The following ANK3 variants were observed in gnomAD, a reference collection of about 807,000 sequenced individuals.
The protein encoded by ANK3 is ankyrin 3.
Under a neutral mutation model 370.9 loss-of-function variants are expected in ANK3, and 57 were observed. The observed-to-expected ratio is 0.15, with a 90% CI of 0.12 to 0.19. The LOEUF (loss-of-function observed/expected upper bound fraction) is 0.19, where lower values mean the gene tolerates loss of function less well. ANK3 is among the 10% of genes least tolerant of loss of function. ANK3 has a pLI of 1.00. For missense variants in ANK3, 4,439 were observed against 5,302.1 expected, an observed-to-expected ratio of 0.84 and a Z score of 5.06; for synonymous variants, 1,929 against 1,946.3, an observed-to-expected ratio of 0.99 and a Z score of 0.23.
Position 60,718,239 on chromosome 10 carries a change from T to C in ANK3, c.57+15024A>G, listed in dbSNP as rs182955422. 2.6e-5 allele frequency among the ~76,000 whole-genome samples: 4 copies of C among 152,378 alleles called. No homozygotes were observed. The East Asian group carries it at 7.7e-4, about 29-fold the overall frequency. ...ATTTAATTTAATAGCATTCTTGTTG[T>C]TGTTTTAGAAGTAGAAGAGTTGGTT... is the stretch of plus-strand genomic sequence containing the variant. On this transcript the variant is annotated intron_variant, in intron 1 of 43. Transcript: ENST00000373827.
intron 2 of ANK3, among the ~76,000 whole-genome samples, chr10:60,607,648 T>C (rs956598704): frequency 6.6e-6 from 1 of 152,190 alleles, no homozygotes; most frequent in African/African-American, 2.4e-5. Flanking sequence ...AGGTTATACA[T>C]GCTTCAAATT....
At chr10:60,679,671 G>A (rs553266353) in intron 1 of ANK3, among the ~76,000 whole-genome samples, 2 of 152,214 alleles carry the variant, frequency 1.3e-5, no homozygotes, top group East Asian at 3.9e-4. Context: ...AAAGAATCAG[G>A]GGAGAAGAAA....
intron 2 of ANK3, among the ~76,000 whole-genome samples, chr10:60,610,536 T>G (rs2078187343): frequency 6.6e-6 from 1 of 151,872 alleles, no homozygotes; most frequent in Non-Finnish European, 1.5e-5. Context: ...AATAAAATCT[T>G]CATGGTTGGT....
At chr10:60,400,730 G>A (rs1316899118) in intron 2 of ANK3, among the ~76,000 whole-genome samples, 1 of 152,058 alleles carries the variant, frequency 6.6e-6, no homozygotes, top group Non-Finnish European at 1.5e-5. Context: ...TTAAGTTCTT[G>A]GGTGCATGTG....
chr10:60,684,287 C>A (rs968285978), intron 1 of ANK3, among the ~76,000 whole-genome samples: 1 of 152,160 alleles, frequency 6.6e-6, no homozygotes, highest in Non-Finnish European at 1.5e-5. Flanking sequence ...CAGTCTGGCG[C>A]GTCGCGCCCA....
chr10:60,622,691 TA>T (rs1641056558), intron 1 of ANK3, among the ~76,000 whole-genome samples: 2 of 152,150 alleles, frequency 1.3e-5, no homozygotes, highest in African/African-American at 4.8e-5. Flanking sequence ...ATGAATATAT[TA>T]AAAGAGCTAT....
At chr10:60,207,312 G>A (rs2096778942) in intron 10 of ANK3, among the ~76,000 whole-genome samples, 1 of 152,174 alleles carries the variant, frequency 6.6e-6, no homozygotes, top group African/African-American at 2.4e-5. Flanking sequence ...CTTCCTAAAA[G>A]GGTCAATTGG....
chr10:60,036,711 C>T (rs1220487891), intron 43 of ANK3, among the ~76,000 whole-genome samples: 1 of 152,076 alleles, frequency 6.6e-6, no homozygotes, highest in African/African-American at 2.4e-5. Context: ...GCTGGGAATA[C>T]AGGCGTGAGC....
chr10:60,082,237 A>G, intron 34 of ANK3, 61 bp from the exon 35 acceptor site: 1 of 1,423,368 alleles, frequency 7.0e-7, no homozygotes, highest in Non-Finnish European at 9.8e-7. Flanking sequence ...CAGGGAAAAG[A>G]ATATCAGGAT....
chr10:60,580,892 CT>C (rs1394324977), intron 2 of ANK3, among the ~76,000 whole-genome samples: 6 of 152,172 alleles, frequency 3.9e-5, no homozygotes, highest in African/African-American at 1.4e-4. Context: ...CTTTCTCTAC[CT>C]ATAAGGGAGA....
In ANK3 at chr10:60,298,301, A is replaced by T. The variant is rs1034288383; in HGVS notation, c.115-18662T>A. ...CAGAAAATCTCTAAACAATACTGTA[A>T]AAACCACAAGCCGAACAGAAGCAGC... is the stretch of plus-strand genomic sequence containing the variant. On this transcript the variant is annotated intron_variant, in intron 1 of 43. Transcript: ENST00000280772. Among the ~76,000 whole-genome samples, 4 of 152,294 alleles carry T rather than the reference A, an allele frequency of 2.6e-5. 1 individual carries two copies. The South Asian group carries it at 8.3e-4, about 32-fold the overall frequency.
rs756741079 is a variant in ANK3 at position 60,084,648 on chromosome 10, T to C, written c.4028A>G (p.Glu1343Gly). ...GACTTCCTCAAAATTCTCTTGTTGC[T>C]CTAAAGTTTTGTCCACTTTGTCATC... ...MTDDKVDKTL[E>G]QQENFEEVAR... is the part of the protein sequence containing the mutation. Residue 1343 changes from glutamate to glycine, a missense_variant, in exon 32 of 44, where the codon GAG (glutamate) becomes GGG (glycine). Glu to Gly is a moderately conservative substitution (Grantham distance 98). This residue lies in a region of ANK3 where 702 missense variants were observed against 941.5 expected (regional missense o/e 0.75). Transcript: ENST00000280772. 2 of 1,613,958 alleles carry C rather than the reference T, an allele frequency of 1.2e-6. No homozygotes were observed. Among genetic ancestry groups the C allele is most frequent in the Non-Finnish European group, 1.7e-6 (2 of 1,179,960 alleles).
intron 17 of ANK3, among the ~76,000 whole-genome samples, chr10:60,185,650 C>A (rs888827587): frequency 6.6e-6 from 1 of 152,162 alleles, no homozygotes; most frequent in Non-Finnish European, 1.5e-5. Flanking sequence ...ATGCCCACAC[C>A]CAGCAGGCAG....
chr10:60,128,583 G>C (rs971560640), intron 25 of ANK3, among the ~76,000 whole-genome samples: 4 of 152,068 alleles, frequency 2.6e-5, no homozygotes, highest in Non-Finnish European at 4.4e-5. Context: ...GTTTCACCAT[G>C]TTGGCCAGGC....
At chr10:60,711,729 G>A (rs1015053317) in intron 1 of ANK3, among the ~76,000 whole-genome samples, 4 of 151,950 alleles carry the variant, frequency 2.6e-5, no homozygotes, top group African/African-American at 9.7e-5. Context: ...GGAAGTTCAG[G>A]GAAAGCCAGC....
intron 9 of ANK3, 81 bp from the exon 10 acceptor site, chr10:60,208,314 A>G: frequency 8.0e-7 from 1 of 1,245,952 alleles, no homozygotes; most frequent in Non-Finnish European, 1.2e-6. Flanking sequence ...AAATATAAAC[A>G]GATAAAAACT....
intron 42 of ANK3, among the ~76,000 whole-genome samples, chr10:60,051,871 A>C (rs982643046): frequency 1.3e-5 from 2 of 151,962 alleles, no homozygotes; most frequent in Non-Finnish European, 2.9e-5. Flanking sequence ...TTGGCAGCAG[A>C]AACTACAATT....
At chr10:60,149,664 G>A (rs1035249493) in intron 23 of ANK3, among the ~76,000 whole-genome samples, 6 of 152,136 alleles carry the variant, frequency 3.9e-5, no homozygotes, top group Non-Finnish European at 5.9e-5. Flanking sequence ...TATTCCATAT[G>A]GCATGGCAGC....
chr10:60,488,873 T>C (rs1010949650), intron 2 of ANK3, among the ~76,000 whole-genome samples: 4 of 152,214 alleles, frequency 2.6e-5, no homozygotes, highest in Admixed American at 2.6e-4. Flanking sequence ...CTGGAGGATG[T>C]TAAATTGTTT....
Sources: gnomAD v4.1 joint callset for allele counts (sites outside exome capture counted in the v4.1 genomes callset) on GRCh38, gnomAD v4.1.1 for gene constraint, gnomAD v4.1.1 regional missense constraint, MANE v1.5 for transcripts, NCBI Gene and HGNC (gene_info 2026-07-23, HGNC 2026-07-21) for gene names.